SDK1: variants seen among roughly 807,000 people sequenced by gnomAD.
The protein encoded by SDK1 is sidekick cell adhesion molecule 1.
Under a neutral mutation model 245.5 loss-of-function variants are expected in SDK1, and 157 were observed. That is an observed-to-expected ratio of 0.64 (90% confidence interval 0.56 to 0.73). The LOEUF (loss-of-function observed/expected upper bound fraction) is 0.73, where lower values mean the gene tolerates loss of function less well. Among genes scored for constraint, SDK1 ranks in the 30% least tolerant of loss-of-function variants. The probability of loss-of-function intolerance (pLI) is 0.00; values close to 1 mark genes in which losing one functional copy is unlikely to be tolerated. For synonymous variants in SDK1, 1,647 were observed against 1,278.5 expected (o/e 1.29, Z -6.15); for missense variants, 3,583 against 3,002.3 (o/e 1.19, Z -4.52).
intron 22 of SDK1, among the ~76,000 whole-genome samples, chr7:4,100,137 C>T (rs894789547): frequency 6.6e-6 from 1 of 152,202 alleles, no homozygotes; most frequent in African/African-American, 2.4e-5. Context: ...GAAATATTAG[C>T]AGGGAATCAC....
At chr7:4,038,406 T>A (rs181941859) in intron 17 of SDK1, among the ~76,000 whole-genome samples, 14 of 152,094 alleles carry the variant, frequency 9.2e-5, no homozygotes, top group Non-Finnish European at 1.6e-4. Context: ...CCTTAAATAG[T>A]GTTCAAAGCA....
At chr7:3,489,890 C>T (rs757581457) in intron 1 of SDK1, among the ~76,000 whole-genome samples, 3 of 152,128 alleles carry the variant, frequency 2.0e-5, no homozygotes, top group Non-Finnish European at 4.4e-5. Flanking sequence ...TGTAATGTCA[C>T]TAATGAGTCC....
At chr7:4,007,079 C>T (rs1785537905) in intron 14 of SDK1, among the ~76,000 whole-genome samples, 2 of 152,214 alleles carry the variant, frequency 1.3e-5, no homozygotes, top group South Asian at 4.1e-4. Flanking sequence ...CTGCTAGACA[C>T]TGTGATGTCT....
intron 1 of SDK1, among the ~76,000 whole-genome samples, chr7:3,343,290 A>G (rs1183429316): frequency 2.0e-5 from 3 of 152,224 alleles, no homozygotes; most frequent in African/African-American, 4.8e-5. Flanking sequence ...CAGTGAACGC[A>G]TTATTGAACC....
chr7:3,696,500 G>C (rs1411875698), intron 4 of SDK1, among the ~76,000 whole-genome samples: 1 of 151,844 alleles, frequency 6.6e-6, no homozygotes, highest in East Asian at 1.9e-4. Flanking sequence ...TCTGAGCCCA[G>C]GATTTGGTGA....
intron 1 of SDK1, among the ~76,000 whole-genome samples, chr7:3,307,880 C>T (rs1418093076): frequency 6.6e-6 from 1 of 152,142 alleles, no homozygotes. Flanking sequence ...CTCTGATCTT[C>T]TATATGTTGT....
intron 5 of SDK1, among the ~76,000 whole-genome samples, chr7:3,904,984 C>T (rs1781914550): frequency 7.4e-6 from 1 of 135,252 alleles, no homozygotes; most frequent in Admixed American, 7.1e-5. Flanking sequence ...CAGAGCGAGA[C>T]TCCGTCTCAA....
At chr7:3,792,462 C>G (rs1185097613) in intron 4 of SDK1, among the ~76,000 whole-genome samples, 1 of 152,240 alleles carries the variant, frequency 6.6e-6, no homozygotes, top group African/African-American at 2.4e-5. Context: ...ATTCACTGTT[C>G]CCCTGCCCAG....
At chr7:4,101,742 G>C (rs751165672) in intron 22 of SDK1, among the ~76,000 whole-genome samples, 1 of 152,178 alleles carries the variant, frequency 6.6e-6, no homozygotes. Context: ...CCCCAGAAGC[G>C]TCTGCCTGTG....
intron 1 of SDK1, among the ~76,000 whole-genome samples, chr7:3,572,060 A>G (rs763592932): frequency 2.6e-5 from 4 of 152,102 alleles, no homozygotes; most frequent in African/African-American, 4.8e-5. Flanking sequence ...ACAGTCAGTG[A>G]AAGGACACCC....
intron 1 of SDK1, among the ~76,000 whole-genome samples, chr7:3,312,695 C>T (rs957149823): frequency 1.3e-5 from 2 of 151,552 alleles, no homozygotes; most frequent in African/African-American, 2.4e-5. Context: ...TCTTCGAATA[C>T]AGTAATAAGG....
intron 1 of SDK1, among the ~76,000 whole-genome samples, chr7:3,592,116 A>T (rs562008337): frequency 2.0e-5 from 3 of 152,302 alleles, no homozygotes; most frequent in African/African-American, 7.2e-5. Context: ...TTTCAACCTG[A>T]TTACTGCCTG....
At position 4,145,745 on chromosome 7, in the gene SDK1, G is replaced by A; in HGVS notation, c.4252G>A (p.Ala1418Thr). 6.2e-7 allele frequency: 1 copy of A among 1,610,224 alleles called. No homozygotes were observed. The highest frequency in any genetic ancestry group is 8.5e-7 in the Non-Finnish European group (1 of 1,178,346). ...ILGYQIAYRL[A>T]SSSPHTFTTV... ...AGGGTACCAGATTGCCTACCGCCTG[G>A]CCAGCAGCAGCCCCCACACCTTCAC... is the stretch of plus-strand genomic sequence containing the variant. The change falls in exon 29 of 45, where the codon GCC becomes ACC. Residue 1418 changes from alanine to threonine, a missense_variant. Coordinates refer to ENST00000404826, the MANE Select transcript of SDK1 (RefSeq NM_152744.4).
At chr7:4,123,632 A>G (rs2128195137) in intron 25 of SDK1, among the ~76,000 whole-genome samples, 1 of 152,298 alleles carries the variant, frequency 6.6e-6, no homozygotes, top group East Asian at 1.9e-4. Context: ...ACTCAAATAA[A>G]TGGATAGTAT....
At chr7:3,338,583 C>G (rs950753598) in intron 1 of SDK1, 4 of 260,602 alleles carry the variant, frequency 1.5e-5, no homozygotes, top group African/African-American at 6.8e-5. Context: ...GGTGTCTCTC[C>G]TATGAATCCA....
intron 1 of SDK1, among the ~76,000 whole-genome samples, chr7:3,558,069 A>G (rs1311024038): frequency 7.8e-6 from 1 of 127,928 alleles, no homozygotes; most frequent in Non-Finnish European, 1.5e-5. Flanking sequence ...TATAGTCCCC[A>G]AAGACTTTAG....
chr7:4,078,202 G>A (rs1441071876), intron 21 of SDK1, among the ~76,000 whole-genome samples: 3 of 152,154 alleles, frequency 2.0e-5, no homozygotes, highest in Non-Finnish European at 2.9e-5. Flanking sequence ...AAGGCTGAAC[G>A]CTTGTAGCTG....
chr7:3,959,797 T>C (rs920805623), intron 8 of SDK1, among the ~76,000 whole-genome samples: 1 of 152,150 alleles, frequency 6.6e-6, no homozygotes, highest in African/African-American at 2.4e-5. Flanking sequence ...TGTTACCTTT[T>C]TTTTTTTGCC....
chr7:3,665,174 C>T (rs546332780), intron 4 of SDK1, among the ~76,000 whole-genome samples: 1 of 152,254 alleles, frequency 6.6e-6, no homozygotes, highest in East Asian at 1.9e-4. Context: ...GTGTGAATGC[C>T]CTCTGTGCCT....
Sources: gnomAD v4.1 joint callset for allele counts (sites outside exome capture counted in the v4.1 genomes callset) on GRCh38, gnomAD v4.1.1 for gene constraint, MANE v1.5 for transcripts, NCBI Gene and HGNC (gene_info 2026-07-23, HGNC 2026-07-21) for gene names.